NR3C2: variants seen among roughly 807,000 people sequenced by gnomAD.
NR3C2 encodes the protein nuclear receptor subfamily 3 group C member 2.
A neutral mutation model predicts 86.4 loss-of-function variants in NR3C2; 15 were observed. The observed-to-expected ratio is 0.17, with a 90% CI of 0.12 to 0.27. The LOEUF is 0.27. NR3C2 is among the 10% of genes least tolerant of loss of function. The pLI, the probability that NR3C2 is intolerant of heterozygous loss-of-function variation, is 1.00. For synonymous variants in NR3C2, 458 were observed against 450.5 expected, an observed-to-expected ratio of 1.02 and a Z score of -0.21; for missense variants, 960 against 1,195.6, an observed-to-expected ratio of 0.80 and a Z score of 2.91.
At chr4:148,179,365 GA>G (rs1735544184) in intron 4 of NR3C2, among the ~76,000 whole-genome samples, 1 of 151,612 alleles carries the variant, frequency 6.6e-6, no homozygotes, top group Non-Finnish European at 1.5e-5. Flanking sequence ...AGGAAGGCTA[GA>G]ATGACAATCT....
intron 2 of NR3C2, among the ~76,000 whole-genome samples, chr4:148,353,028 T>G (rs1256098293): frequency 6.6e-6 from 1 of 152,106 alleles, no homozygotes; most frequent in Admixed American, 6.6e-5. Flanking sequence ...TTGTATAGAT[T>G]ACAGATAGCA....
At chr4:148,145,719 T>C (rs4835130) in intron 6 of NR3C2, among the ~76,000 whole-genome samples, 108,726 of 152,020 alleles carry the variant, frequency 0.72, 39,712 homozygotes, top group African/African-American at 0.87. Context: ...CAGGCCTTGG[T>C]CCTCTAGCTA....
chr4:148,090,610 A>G (rs1358290727), intron 8 of NR3C2, among the ~76,000 whole-genome samples: 1 of 152,222 alleles, frequency 6.6e-6, no homozygotes, highest in Admixed American at 6.5e-5. Context: ...CTCTGTCCCT[A>G]TCACCCACAT....
chr4:148,177,604 C>T (rs1735436713), intron 4 of NR3C2, among the ~76,000 whole-genome samples: 2 of 152,168 alleles, frequency 1.3e-5, no homozygotes, highest in Admixed American at 6.5e-5. Context: ...GTGGACACAC[C>T]TATTCACAGA....
intron 2 of NR3C2, among the ~76,000 whole-genome samples, chr4:148,339,910 A>T (rs1451138955): frequency 1.3e-5 from 2 of 152,194 alleles, no homozygotes; most frequent in Non-Finnish European, 2.9e-5. Flanking sequence ...GCCAACAGTG[A>T]ACAATTTAAA....
intron 2 of NR3C2, among the ~76,000 whole-genome samples, chr4:148,336,884 C>T (rs1180875729): frequency 6.6e-6 from 1 of 152,192 alleles, no homozygotes; most frequent in Non-Finnish European, 1.5e-5. Flanking sequence ...CTCCAACTCC[C>T]AGGCTCAAGC....
chr4:148,241,632 C>A (rs952879271), intron 3 of NR3C2, among the ~76,000 whole-genome samples: 4 of 152,102 alleles, frequency 2.6e-5, no homozygotes, highest in Admixed American at 1.3e-4. Flanking sequence ...ACTTTACCTG[C>A]GCCATCGGAT....
chr4:148,136,069 A>AAC (rs1733308869), intron 6 of NR3C2, among the ~76,000 whole-genome samples: 1 of 87,138 alleles, frequency 1.1e-5, no homozygotes, highest in African/African-American at 4.0e-5. Flanking sequence ...AAAAAAAAAA[A>AAC]AAAAAAACAA....
At chr4:148,147,868 T>C (rs1733939713) in intron 6 of NR3C2, among the ~76,000 whole-genome samples, 1 of 152,168 alleles carries the variant, frequency 6.6e-6, no homozygotes, top group Admixed American at 6.5e-5. Flanking sequence ...TGCTTTGAGT[T>C]TTCTAGTTCA....
chr4:148,340,774 T>A (rs1744711929), intron 2 of NR3C2, among the ~76,000 whole-genome samples: 1 of 151,962 alleles, frequency 6.6e-6, no homozygotes, highest in Non-Finnish European at 1.5e-5. Context: ...CAAATAAATT[T>A]AAAAAACCAA....
At chr4:148,409,200 A>G (rs1277656921) in intron 2 of NR3C2, among the ~76,000 whole-genome samples, 5 of 152,192 alleles carry the variant, frequency 3.3e-5, no homozygotes, top group African/African-American at 1.2e-4. Context: ...GAATATGTGC[A>G]TTCTCATTTA....
intron 2 of NR3C2, among the ~76,000 whole-genome samples, chr4:148,334,523 C>A (rs1744386367): frequency 6.6e-6 from 1 of 152,128 alleles, no homozygotes; most frequent in Admixed American, 6.5e-5. Flanking sequence ...GCCTGAGTGA[C>A]AGAATGAGAC....
chr4:148,138,399 T>C (rs1472433053), intron 6 of NR3C2, among the ~76,000 whole-genome samples: 1 of 152,210 alleles, frequency 6.6e-6, no homozygotes, highest in Non-Finnish European at 1.5e-5. Flanking sequence ...ATTTTATTTT[T>C]TTGAGACAGG....
intron 2 of NR3C2, among the ~76,000 whole-genome samples, chr4:148,322,153 G>T (rs1397307192): frequency 6.7e-6 from 1 of 148,950 alleles, no homozygotes; most frequent in Non-Finnish European, 1.5e-5. Context: ...AGTTTGGCTG[G>T]ATATGAAATT....
At chr4:148,388,972 G>A (rs970189414) in intron 2 of NR3C2, among the ~76,000 whole-genome samples, 5 of 152,196 alleles carry the variant, frequency 3.3e-5, no homozygotes, top group Non-Finnish European at 5.9e-5. Flanking sequence ...TAGCTTACAG[G>A]AGAAAGCTTT....
chr4:148,275,891 A>G (rs1740937471), intron 2 of NR3C2, among the ~76,000 whole-genome samples: 3 of 152,260 alleles, frequency 2.0e-5, no homozygotes, highest in Non-Finnish European at 4.4e-5. Context: ...TGAAATAGGG[A>G]AAAGTATTTC....
Position 148,152,142 on chromosome 4 carries a change from G to A in NR3C2, c.2510+327C>T, listed in dbSNP as rs373314422. Reference sequence around the variant, plus strand: ...TTAGATTGTCTTCCCAATTGGAGTCGATACCAAAAGAGACTGTTTTCTATT... The same window carrying A: ...TTAGATTGTCTTCCCAATTGGAGTCAATACCAAAAGAGACTGTTTTCTATT... On this transcript the variant is annotated intron_variant, in intron 6 of 8. Transcript: ENST00000358102. Among the ~76,000 whole-genome samples, 3 of 152,218 alleles carry A rather than the reference G, an allele frequency of 2.0e-5. No homozygotes were observed. The East Asian group carries it at 5.8e-4, about 29-fold the overall frequency.
At chr4:148,192,548 G>A (rs186183585) in intron 4 of NR3C2, among the ~76,000 whole-genome samples, 70 of 152,192 alleles carry the variant, frequency 4.6e-4, no homozygotes, top group African/African-American at 1.6e-3. Flanking sequence ...ACTCCCAAGA[G>A]TATATGCCCT....
intron 2 of NR3C2, among the ~76,000 whole-genome samples, chr4:148,301,308 A>G (rs1742325808): frequency 6.6e-6 from 1 of 152,204 alleles, no homozygotes; most frequent in Non-Finnish European, 1.5e-5. Context: ...AAGCTGTGGT[A>G]CCTTCTGGCC....
Sources: allele counts gnomAD v4.1 joint callset (sites outside exome capture counted in the v4.1 genomes callset), GRCh38; gene constraint gnomAD v4.1.1; transcripts MANE v1.5; gene names NCBI Gene and HGNC (gene_info 2026-07-23, HGNC 2026-07-21).